Variants in STAC observed in about 807,000 individuals in gnomAD.
STAC encodes the protein SH3 and cysteine rich domain.
In STAC, 43 loss-of-function variants were observed where a neutral mutation model predicts 48.8. The observed-to-expected ratio is 0.88, with a 90% CI of 0.69 to 1.14. The LOEUF (loss-of-function observed/expected upper bound fraction) is 1.14, where lower values mean the gene tolerates loss of function less well. Ranked by LOEUF, STAC falls within the 50% of genes most tolerant of loss-of-function variation. The pLI, the probability that STAC is intolerant of heterozygous loss-of-function variation, is 0.00. For synonymous variants in STAC, 193 were observed against 179.5 expected (o/e 1.07, Z -0.60); for missense variants, 497 against 504.0 (o/e 0.99, Z 0.13).
chr3:36,432,432 T>C (rs894079003), intron 1 of STAC, among the ~76,000 whole-genome samples: 7 of 152,202 alleles, frequency 4.6e-5, no homozygotes, highest in Non-Finnish European at 4.4e-5. Context: ...CCTGGCGTGG[T>C]GGCTCACACC....
At chr3:36,414,080 C>T (rs537051203) in intron 1 of STAC, among the ~76,000 whole-genome samples, 7 of 152,254 alleles carry the variant, frequency 4.6e-5, no homozygotes, top group Admixed American at 1.3e-4. Flanking sequence ...GTGGGTAACC[C>T]GACCTTTCTC....
At chr3:36,540,281 A>C (rs1699292873) in intron 10 of STAC, among the ~76,000 whole-genome samples, 1 of 152,178 alleles carries the variant, frequency 6.6e-6, no homozygotes, top group Non-Finnish European at 1.5e-5. Context: ...TAGAACTGTA[A>C]GATAATAAAT....
chr3:36,413,694 T>A (rs937214207), intron 1 of STAC, among the ~76,000 whole-genome samples: 1 of 152,228 alleles, frequency 6.6e-6, no homozygotes, highest in Non-Finnish European at 1.5e-5. Flanking sequence ...AATATTGTTA[T>A]GTGTGAATTT....
intron 1 of STAC, among the ~76,000 whole-genome samples, chr3:36,412,706 T>C (rs1700224272): frequency 6.6e-6 from 1 of 152,242 alleles, no homozygotes; most frequent in Non-Finnish European, 1.5e-5. Flanking sequence ...CACAAAATTC[T>C]ACACACACTC....
chr3:36,542,973 T>C (rs1365183778), intron 10 of STAC, among the ~76,000 whole-genome samples: 1 of 152,170 alleles, frequency 6.6e-6, no homozygotes, highest in Non-Finnish European at 1.5e-5. Context: ...CCTTAGGCAA[T>C]GAAAATATCT....
intron 1 of STAC, among the ~76,000 whole-genome samples, chr3:36,401,531 T>G (rs1699998978): frequency 6.6e-6 from 1 of 152,150 alleles, no homozygotes; most frequent in Admixed American, 6.5e-5. Context: ...CTTTAGGAAC[T>G]TGGGTAGAAA....
intron 4 of STAC, among the ~76,000 whole-genome samples, chr3:36,485,386 T>C (rs946993864): frequency 3.2e-4 from 48 of 152,194 alleles, no homozygotes; most frequent in African/African-American, 1.2e-3. Flanking sequence ...CAGCTCCCTA[T>C]TGACAACTGT....
intron 1 of STAC, among the ~76,000 whole-genome samples, chr3:36,389,973 G>GA: frequency 7.1e-6 from 1 of 140,346 alleles, no homozygotes; most frequent in South Asian, 2.2e-4. Context: ...TTCATTTGGG[G>GA]GGGAAGGGAG....
At chr3:36,414,675 C>T (rs79623920) in intron 1 of STAC, among the ~76,000 whole-genome samples, 3,542 of 152,042 alleles carry the variant, frequency 0.023, 61 homozygotes, top group East Asian at 0.026. Flanking sequence ...TCTCTCAACT[C>T]GTCATTCTCT....
At chr3:36,487,118 G>A (rs78969813) in intron 5 of STAC, among the ~76,000 whole-genome samples, 1,821 of 152,344 alleles carry the variant, frequency 0.012, 15 homozygotes, top group Non-Finnish European at 0.018. Flanking sequence ...AAGAGGGGCA[G>A]GGCACATGCC....
chr3:36,398,511 AAAAG>A (rs1157761596), intron 1 of STAC, among the ~76,000 whole-genome samples: 1 of 85,116 alleles, frequency 1.2e-5, no homozygotes, highest in Non-Finnish European at 2.5e-5. Context: ...AAGGAAGAGA[AAAAG>A]AAAGAGAGAG....
chr3:36,469,692 C>A lies in STAC; in HGVS notation c.389-13300C>A, dbSNP rs538498999. 8.5e-5 allele frequency among the ~76,000 whole-genome samples: 13 copies of A among 152,304 alleles called. No individual in the cohort carries two copies. The South Asian group carries it at 2.3e-3, about 27-fold the overall frequency. On this transcript the variant is annotated intron_variant, in intron 2 of 10. Coordinates refer to ENST00000273183, the MANE Select transcript of STAC (RefSeq NM_003149.3). Reference sequence around the variant, plus strand: ...ATGCTTTCTAAACTTGTAGATTTCTCTTCTTCCCCGGGAAGCCCAATTACT... The same window carrying A: ...ATGCTTTCTAAACTTGTAGATTTCTATTCTTCCCCGGGAAGCCCAATTACT...
At chr3:36,484,523 G>T (rs768261599) in intron 3 of STAC, among the ~76,000 whole-genome samples, 2 of 152,186 alleles carry the variant, frequency 1.3e-5, no homozygotes, top group Non-Finnish European at 1.5e-5. Flanking sequence ...AATGATTCTG[G>T]CTAAAGCTCT....
At chr3:36,515,534 C>T (rs77009737) in intron 8 of STAC, among the ~76,000 whole-genome samples, 248 of 152,210 alleles carry the variant, frequency 1.6e-3, no homozygotes, top group African/African-American at 5.6e-3. Context: ...TAGTGAGATA[C>T]GTGATGACAT....
chr3:36,539,160 T>G (rs1699265261), intron 10 of STAC, among the ~76,000 whole-genome samples: 1 of 152,218 alleles, frequency 6.6e-6, no homozygotes, highest in Non-Finnish European at 1.5e-5. Context: ...TAGACTTTTC[T>G]TCTCAGTCAG....
intron 8 of STAC, among the ~76,000 whole-genome samples, chr3:36,510,803 G>A (rs954635051): frequency 1.3e-5 from 2 of 151,998 alleles, no homozygotes; most frequent in African/African-American, 4.8e-5. Flanking sequence ...ACTGGGGCCT[G>A]TTGGGGGTTG....
intron 1 of STAC, among the ~76,000 whole-genome samples, chr3:36,383,927 C>T (rs1343487197): frequency 6.6e-6 from 1 of 152,172 alleles, no homozygotes; most frequent in African/African-American, 2.4e-5. Flanking sequence ...TTTGGTATCC[C>T]AGTACAGTTT....
At chr3:36,424,789 A>T (rs967146065) in intron 1 of STAC, among the ~76,000 whole-genome samples, 1 of 152,192 alleles carries the variant, frequency 6.6e-6, no homozygotes, top group Non-Finnish European at 1.5e-5. Flanking sequence ...GGACAATTTG[A>T]GCAACAAAAT....
Position 36,546,430 on chromosome 3 carries a change from C to A in STAC, c.*141C>A. On this transcript the variant is annotated 3_prime_UTR_variant, in exon 11 of 11. Coordinates refer to ENST00000273183, the MANE Select transcript of STAC (RefSeq NM_003149.3). ...TGAGACAAGAATCAAGTATCTGAGA[C>A]TGTGGAGTAATAGCCACAAAACAGA... 1.4e-6 allele frequency: 1 copy of A among 703,194 alleles called. No individual in the cohort carries two copies. Among genetic ancestry groups the A allele is most frequent in the Non-Finnish European group, 2.4e-6 (1 of 412,432 alleles). The allele number at this position is 703,194 out of a possible 1,614,324, so 43.6% of individuals were successfully genotyped here.
Sources: allele counts gnomAD v4.1 joint callset (sites outside exome capture counted in the v4.1 genomes callset), GRCh38; gene constraint gnomAD v4.1.1; transcripts MANE v1.5; gene names NCBI Gene and HGNC (gene_info 2026-07-23, HGNC 2026-07-21).